The following BMPR1B variants were observed in gnomAD, a reference collection of about 807,000 sequenced individuals.
BMPR1B encodes the protein bone morphogenetic protein receptor type-1B.
In BMPR1B, 12 loss-of-function variants were observed where a neutral mutation model predicts 59.1. That is an observed-to-expected ratio of 0.20 (90% CI 0.13 to 0.33). The LOEUF is 0.33. Among genes scored for constraint, BMPR1B ranks in the 10% least tolerant of loss-of-function variants. The pLI is 1.00. For missense variants in BMPR1B, 550 were observed against 610.9 expected (o/e 0.90, Z 1.05); for synonymous variants, 237 against 207.3 (o/e 1.14, Z -1.23).
intron 2 of BMPR1B, among the ~76,000 whole-genome samples, chr4:94,970,972 A>T (rs1009967302): frequency 6.6e-6 from 1 of 152,210 alleles, no homozygotes. Context: ...ACACAGTCTT[A>T]ATACATTTTA....
intron 1 of BMPR1B, among the ~76,000 whole-genome samples, chr4:94,785,678 C>A (rs1283315313): frequency 6.6e-6 from 1 of 152,036 alleles, no homozygotes; most frequent in East Asian, 1.9e-4. Context: ...AGATCTCATT[C>A]CACATTCACA....
rs573017679 is a variant in BMPR1B, at chr4:95,112,068, G to A, written c.144-2652G>A. On this transcript the variant is annotated intron_variant, in intron 4 of 12. Coordinates refer to ENST00000515059, the MANE Select transcript of BMPR1B (RefSeq NM_001203.3). The stretch of plus-strand genomic sequence containing the variant: ...TTTCATTTTGCTATCACTTTTCTTC[G>A]TCTATAACACAGGGACAGCATTTTT... Among the ~76,000 whole-genome samples the A allele has an allele frequency of 3.9e-5, 6 of 152,032 alleles. No homozygotes were observed. The South Asian group carries it at 6.2e-4, about 16-fold the overall frequency.
intron 2 of BMPR1B, among the ~76,000 whole-genome samples, chr4:94,995,116 T>C (rs2149101957): frequency 6.6e-6 from 1 of 152,318 alleles, no homozygotes; most frequent in African/African-American, 2.4e-5. Flanking sequence ...ACTGTGGACC[T>C]TATAGGTGGT....
At chr4:94,816,267 C>T (rs1335419341) in intron 1 of BMPR1B, among the ~76,000 whole-genome samples, 2 of 152,222 alleles carry the variant, frequency 1.3e-5, no homozygotes, top group African/African-American at 4.8e-5. Context: ...CTGCTTCAGC[C>T]TCCCGAGTAC....
chr4:95,095,867 T>C (rs1560649206), intron 3 of BMPR1B, among the ~76,000 whole-genome samples: 1 of 151,900 alleles, frequency 6.6e-6, no homozygotes, highest in African/African-American at 2.4e-5. Flanking sequence ...TATCACAAAT[T>C]AAAAATTTTT....
At chr4:95,051,836 C>G in intron 3 of BMPR1B, 1 of 1,474,904 alleles carries the variant, frequency 6.8e-7, no homozygotes, top group Non-Finnish European at 9.1e-7. Context: ...GATTTCGTGG[C>G]TTTTATCGCA....
chr4:95,021,120 A>G (rs981904796), intron 3 of BMPR1B, among the ~76,000 whole-genome samples: 1 of 152,356 alleles, frequency 6.6e-6, no homozygotes, highest in African/African-American at 2.4e-5. Context: ...GTTGTATGGG[A>G]TTAAGTAACA....
intron 3 of BMPR1B, among the ~76,000 whole-genome samples, chr4:95,100,510 T>C (rs1378461434): frequency 6.6e-6 from 1 of 152,168 alleles, no homozygotes; most frequent in Non-Finnish European, 1.5e-5. Context: ...TTGTCTACAG[T>C]GTTACAAAAT....
chr4:94,951,343 C>T (rs1176608259), intron 2 of BMPR1B, among the ~76,000 whole-genome samples: 2 of 152,156 alleles, frequency 1.3e-5, no homozygotes, highest in African/African-American at 4.8e-5. Flanking sequence ...GCATACTTGT[C>T]TTGTGCTGGT....
At chr4:94,858,484 A>C (rs1012283810) in intron 1 of BMPR1B, among the ~76,000 whole-genome samples, 1 of 152,204 alleles carries the variant, frequency 6.6e-6, no homozygotes, top group Admixed American at 6.5e-5. Context: ...CTATTATAGA[A>C]TTTTGGATTA....
chr4:95,001,850 A>G (rs1722472687), intron 3 of BMPR1B, among the ~76,000 whole-genome samples: 1 of 152,042 alleles, frequency 6.6e-6, no homozygotes, highest in Non-Finnish European at 1.5e-5. Flanking sequence ...TTGCTTCTCT[A>G]TTTCTATTCC....
intron 1 of BMPR1B, among the ~76,000 whole-genome samples, chr4:94,829,625 A>T (rs962340945): frequency 6.6e-6 from 1 of 152,120 alleles, no homozygotes; most frequent in African/African-American, 2.4e-5. Flanking sequence ...TAGGTGCTGG[A>T]TGCACACCGG....
At chr4:95,111,551 T>C (rs1241012333) in intron 4 of BMPR1B, among the ~76,000 whole-genome samples, 3 of 152,120 alleles carry the variant, frequency 2.0e-5, no homozygotes, top group Admixed American at 6.6e-5. Flanking sequence ...ATTATAAATC[T>C]GTTTTGACCA....
chr4:94,965,286 T>C (rs947005573), intron 2 of BMPR1B, among the ~76,000 whole-genome samples: 1 of 152,288 alleles, frequency 6.6e-6, no homozygotes, highest in African/African-American at 2.4e-5. Flanking sequence ...TAGTTAGCTT[T>C]ATCTGCTTAC....
chr4:94,934,112 A>G (rs908417513), intron 2 of BMPR1B, among the ~76,000 whole-genome samples: 1 of 152,148 alleles, frequency 6.6e-6, no homozygotes, highest in African/African-American at 2.4e-5. Flanking sequence ...TTTTGGAAAT[A>G]TGTGATTTGG....
At chr4:95,138,431 T>A (rs1733967812) in intron 10 of BMPR1B, among the ~76,000 whole-genome samples, 1 of 152,202 alleles carries the variant, frequency 6.6e-6, no homozygotes, top group African/African-American at 2.4e-5. Context: ...TTTTCTGTAT[T>A]TCCTGAATTT....
intron 2 of BMPR1B, among the ~76,000 whole-genome samples, chr4:94,964,490 T>G (rs1730480624): frequency 6.6e-6 from 1 of 152,180 alleles, no homozygotes; most frequent in Non-Finnish European, 1.5e-5. Flanking sequence ...TATGGCTGTG[T>G]CTGTGTCCCA....
At chr4:95,037,071 A>C (rs918549016) in intron 3 of BMPR1B, among the ~76,000 whole-genome samples, 3 of 152,160 alleles carry the variant, frequency 2.0e-5, no homozygotes, top group African/African-American at 7.2e-5. Context: ...GGACGGGTAC[A>C]TATGATTTGG....
intron 1 of BMPR1B, among the ~76,000 whole-genome samples, chr4:94,845,271 G>A (rs1160750369): frequency 6.6e-6 from 1 of 151,662 alleles, no homozygotes; most frequent in African/African-American, 2.4e-5. Context: ...TCAGGCAGTT[G>A]TTGAACTTTA....
Sources: gnomAD v4.1 joint callset for allele counts (sites outside exome capture counted in the v4.1 genomes callset) on GRCh38, gnomAD v4.1.1 for gene constraint, MANE v1.5 for transcripts, NCBI Gene and HGNC (gene_info 2026-07-23, HGNC 2026-07-21) for gene names.